Variants in MTUS2 observed in about 807,000 individuals in gnomAD.
MTUS2 encodes the protein microtubule-associated tumor suppressor candidate 2.
A neutral mutation model predicts 114.1 loss-of-function variants in MTUS2; 40 were observed. That is an observed-to-expected ratio of 0.35 (90% CI 0.27 to 0.46). The LOEUF (loss-of-function observed/expected upper bound fraction) is 0.46, where lower values mean the gene tolerates loss of function less well. MTUS2 is among the 20% of genes least tolerant of loss of function. The pLI is 1.00. For missense variants in MTUS2, 1,679 were observed against 1,705.4 expected, an observed-to-expected ratio of 0.98 and a Z score of 0.27; for synonymous variants, 688 against 672.0, an observed-to-expected ratio of 1.02 and a Z score of -0.37.
At chr13:29,070,362 G>T (rs1192056999) in intron 4 of MTUS2, among the ~76,000 whole-genome samples, 3 of 152,098 alleles carry the variant, frequency 2.0e-5, no homozygotes, top group Non-Finnish European at 4.4e-5. Context: ...AAGCAAACTT[G>T]CAGAATGTTA....
chr13:29,145,804 G>T (rs1425634212), intron 5 of MTUS2, among the ~76,000 whole-genome samples: 1 of 152,070 alleles, frequency 6.6e-6, no homozygotes, highest in African/African-American at 2.4e-5. Flanking sequence ...TCAGCTTATG[G>T]CATATTTTAG....
At chr13:29,400,630 G>A (rs1874255706) in intron 8 of MTUS2, among the ~76,000 whole-genome samples, 1 of 152,172 alleles carries the variant, frequency 6.6e-6, no homozygotes, top group Non-Finnish European at 1.5e-5. Context: ...GTCATCAGAT[G>A]GCCCTATGTC....
At chr13:28,902,430 G>A (rs752096815) in intron 2 of MTUS2, among the ~76,000 whole-genome samples, 5 of 152,000 alleles carry the variant, frequency 3.3e-5, no homozygotes, top group African/African-American at 4.8e-5. Context: ...ATTAAGAAAT[G>A]CATTTCACTT....
At chr13:29,198,405 C>T (rs984307844) in intron 5 of MTUS2, among the ~76,000 whole-genome samples, 5 of 152,134 alleles carry the variant, frequency 3.3e-5, no homozygotes, top group African/African-American at 1.2e-4. Context: ...TTTCTGAGGC[C>T]TCTGTTCTGT....
chr13:29,241,868 C>T (rs1896747382), intron 5 of MTUS2, among the ~76,000 whole-genome samples: 1 of 152,134 alleles, frequency 6.6e-6, no homozygotes, highest in African/African-American at 2.4e-5. Context: ...TTGCCCATTT[C>T]TGGGTGGGCA....
intron 5 of MTUS2, among the ~76,000 whole-genome samples, chr13:29,232,273 T>TAC (rs1219369857): frequency 8.7e-6 from 1 of 114,892 alleles, no homozygotes; most frequent in African/African-American, 3.6e-5. Context: ...AGAATATACA[T>TAC]ACATACACAC....
intron 9 of MTUS2, among the ~76,000 whole-genome samples, chr13:29,479,184 T>C (rs2138887385): frequency 6.6e-6 from 1 of 152,348 alleles, no homozygotes; most frequent in East Asian, 1.9e-4. Flanking sequence ...CCCCAGTTCG[T>C]AGCACAGAGC....
chr13:29,203,840 C>A lies in MTUS2; in HGVS notation c.2645-77864C>A, dbSNP rs369458484. 4.6e-5 allele frequency among the ~76,000 whole-genome samples: 7 copies of A among 152,258 alleles called. No homozygotes were observed. The East Asian group carries it at 7.7e-4, about 17-fold the overall frequency. On this transcript the variant is annotated intron_variant, in intron 5 of 15. Coordinates refer to ENST00000612955, the MANE Select transcript of MTUS2 (RefSeq NM_001033602.4). ...CACCCCACCCTGCTTCATCTCACCCCCCATGGGCTGCATCCAGTGTCTAAC... is the reference window on the plus strand; with the variant it reads ...CACCCCACCCTGCTTCATCTCACCCACCATGGGCTGCATCCAGTGTCTAAC...
At chr13:29,377,033 A>G (rs528562147) in intron 8 of MTUS2, among the ~76,000 whole-genome samples, 65 of 152,316 alleles carry the variant, frequency 4.3e-4, no homozygotes, top group African/African-American at 1.4e-3. Flanking sequence ...GAATGATGAA[A>G]GGGTCCACTC....
At chr13:29,030,721 A>T (rs922015149) in intron 3 of MTUS2, among the ~76,000 whole-genome samples, 1 of 152,170 alleles carries the variant, frequency 6.6e-6, no homozygotes, top group Non-Finnish European at 1.5e-5. Flanking sequence ...TCAGTTATAG[A>T]AGCCAGATTT....
chr13:29,011,818 C>A (rs1436043045), intron 2 of MTUS2, among the ~76,000 whole-genome samples: 1 of 152,166 alleles, frequency 6.6e-6, no homozygotes, highest in Non-Finnish European at 1.5e-5. Flanking sequence ...CTCACCTGTG[C>A]AGTTTATTTA....
At chr13:29,383,259 T>TTTATTTATTTATTTAG (rs1872378059) in intron 8 of MTUS2, among the ~76,000 whole-genome samples, 1 of 151,286 alleles carries the variant, frequency 6.6e-6, no homozygotes, top group Admixed American at 6.6e-5. Flanking sequence ...TGTGTATTTA[T>TTTATTTATTTATTTAG]TTTTCTCATG....
At chr13:29,227,967 G>A (rs1224252450) in intron 5 of MTUS2, among the ~76,000 whole-genome samples, 1 of 152,098 alleles carries the variant, frequency 6.6e-6, no homozygotes, top group African/African-American at 2.4e-5. Flanking sequence ...TAGAATTATA[G>A]TGTTTTTTCT....
chr13:29,041,195 G>T (rs901939662), intron 4 of MTUS2, among the ~76,000 whole-genome samples: 6 of 152,082 alleles, frequency 3.9e-5, no homozygotes, highest in Admixed American at 3.9e-4. Flanking sequence ...ACCATTTGTT[G>T]AATATGGTGT....
chr13:29,373,929 C>CA (rs1183640878), intron 8 of MTUS2, among the ~76,000 whole-genome samples: 4 of 152,048 alleles, frequency 2.6e-5, no homozygotes, highest in African/African-American at 9.7e-5. Context: ...ATTTATTTGA[C>CA]AAAAAATGTT....
At chr13:29,440,103 G>C in intron 9 of MTUS2, 54 bp downstream of exon 9, 1 of 1,516,830 alleles carries the variant, frequency 6.6e-7, no homozygotes, top group South Asian at 1.2e-5. Flanking sequence ...CCTGATTCCT[G>C]TGAATGTGTA....
At chr13:28,999,547 A>G (rs1030923203) in intron 2 of MTUS2, among the ~76,000 whole-genome samples, 3 of 152,224 alleles carry the variant, frequency 2.0e-5, no homozygotes, top group South Asian at 4.1e-4. Context: ...TGATATTTCA[A>G]TATGTGCATA....
At chr13:29,452,826 C>G (rs1312768062) in intron 9 of MTUS2, among the ~76,000 whole-genome samples, 1 of 152,124 alleles carries the variant, frequency 6.6e-6, no homozygotes, top group East Asian at 1.9e-4. Flanking sequence ...CCAAGGGCAA[C>G]CCCTAAGTCA....
chr13:29,127,465 A>G (rs1046346985), intron 5 of MTUS2, among the ~76,000 whole-genome samples: 2 of 152,170 alleles, frequency 1.3e-5, no homozygotes, highest in African/African-American at 4.8e-5. Flanking sequence ...GGTGAGCCTC[A>G]TCCAATCATT....
Sources: gnomAD v4.1 joint callset for allele counts (sites outside exome capture counted in the v4.1 genomes callset) on GRCh38, gnomAD v4.1.1 for gene constraint, MANE v1.5 for transcripts, NCBI Gene and HGNC (gene_info 2026-07-23, HGNC 2026-07-21) for gene names.